TG: variants seen among roughly 807,000 people sequenced by gnomAD.
TG encodes the protein thyroglobulin, also known as thyroid hormones.
A neutral mutation model predicts 324.7 loss-of-function variants in TG; 270 were observed. That is an observed-to-expected ratio of 0.83 (90% CI 0.75 to 0.92). TG has a LOEUF of 0.92. Among genes scored for constraint, TG ranks in the 40% least tolerant of loss-of-function variants. The pLI, the probability that TG is intolerant of heterozygous loss-of-function variation, is 0.00. For missense variants in TG, 3,591 were observed against 3,456.4 expected, an observed-to-expected ratio of 1.04 and a Z score of -0.98; for synonymous variants, 1,401 against 1,327.0, an observed-to-expected ratio of 1.06 and a Z score of -1.21.
chr8:133,015,374 T>A (rs774210873), intron 37 of TG, among the ~76,000 whole-genome samples: 1 of 152,240 alleles, frequency 6.6e-6, no homozygotes, highest in Non-Finnish European at 1.5e-5. Context: ...TGTTTACAGC[T>A]AATACACATG....
chr8:133,013,539 A>T, intron 36 of TG, 61 bp from the exon 37 acceptor site: 1 of 1,601,722 alleles, frequency 6.2e-7, no homozygotes, highest in Non-Finnish European at 8.5e-7. Flanking sequence ...GACTGGAAGA[A>T]TGCATGAGTG....
intron 20 of TG, among the ~76,000 whole-genome samples, chr8:132,918,348 A>T (rs1183629105): frequency 6.6e-6 from 1 of 152,156 alleles, no homozygotes; most frequent in African/African-American, 2.4e-5. Context: ...GGCCACTTGA[A>T]AAAAGGCCAC....
intron 27 of TG, among the ~76,000 whole-genome samples, chr8:132,956,822 A>G (rs1303503119): frequency 3.3e-5 from 5 of 152,102 alleles, no homozygotes; most frequent in African/African-American, 1.2e-4. Flanking sequence ...GGGATTAGCT[A>G]AACCTAATGG....
chr8:133,117,441 C>T (rs10092459), intron 45 of TG, among the ~76,000 whole-genome samples: 7,352 of 152,242 alleles, frequency 0.048, 253 homozygotes, highest in Middle Eastern at 0.095. Flanking sequence ...CTTGGATGAC[C>T]GGCGCTTTGA....
intron 3 of TG, among the ~76,000 whole-genome samples, chr8:132,870,608 G>A (rs745609624): frequency 1.3e-5 from 2 of 151,802 alleles, no homozygotes; most frequent in Non-Finnish European, 2.9e-5. Context: ...AAATGCCTGC[G>A]GCTAGATAAT....
chr8:132,892,831 G>A lies in TG; in HGVS notation c.2762-859G>A, dbSNP rs111206173. 3.2e-3 allele frequency among the ~76,000 whole-genome samples: 483 copies of A among 150,602 alleles called. 5 individuals are homozygous for A. Among genetic ancestry groups the A allele is most frequent in the African/African-American group, 0.011 (470 of 40,924 alleles). ...GTGTGTTTATGTGTGTGGTGTGTGT[G>A]TATGTGTGTGGTGTGGTGTATGTGT... is the stretch of plus-strand genomic sequence containing the variant. On this transcript the variant is annotated intron_variant, in intron 10 of 47. Transcript: ENST00000220616.
intron 5 of TG, among the ~76,000 whole-genome samples, chr8:132,881,253 T>C (rs1244805739): frequency 6.6e-6 from 1 of 152,180 alleles, no homozygotes; most frequent in Non-Finnish European, 1.5e-5. Context: ...CAGATGTGAT[T>C]AGAGAATCTC....
At chr8:132,974,815 TG>T (rs1829998784) in intron 34 of TG, among the ~76,000 whole-genome samples, 1 of 152,214 alleles carries the variant, frequency 6.6e-6, no homozygotes, top group Non-Finnish European at 1.5e-5. Context: ...AGGCAGTATC[TG>T]GTGCTCGGCC....
At chr8:133,067,686 G>A (rs1044652803) in intron 41 of TG, among the ~76,000 whole-genome samples, 2 of 152,040 alleles carry the variant, frequency 1.3e-5, no homozygotes, top group African/African-American at 4.8e-5. Flanking sequence ...TGAGGCAGGA[G>A]AATCACTTGA....
At chr8:132,979,324 G>C (rs1218709933) in intron 34 of TG, among the ~76,000 whole-genome samples, 1 of 152,182 alleles carries the variant, frequency 6.6e-6, no homozygotes, top group East Asian at 1.9e-4. Flanking sequence ...TGTTTACAAA[G>C]TCAAATGTGA....
Position 132,963,154 on chromosome 8 carries a change from G to T in TG, c.5548+80G>T. ...TGGGTGCACCAAGAGTTTAATCAAT[G>T]AACGGACGTATTGACATCACTCTAT... On this transcript the variant is annotated intron_variant, in intron 29 of 47. Coordinates refer to ENST00000220616, the MANE Select transcript of TG (RefSeq NM_003235.5). 3.1e-6 allele frequency: 4 copies of T among 1,288,024 alleles called. No individual in the cohort carries two copies. In the South Asian group the frequency reaches 4.7e-5, roughly 15 times the overall value. 79.8% of individuals were successfully genotyped at this position (1,288,024 alleles called of 1,614,324 possible).
chr8:133,040,152 C>T (rs373633199), intron 41 of TG: 362 of 1,573,330 alleles, frequency 2.3e-4, no homozygotes, highest in Non-Finnish European at 2.5e-4. Context: ...AGCAGACAGC[C>T]GGTCAGGGAC....
chr8:133,040,637 C>A (rs1437073666), intron 41 of TG, among the ~76,000 whole-genome samples: 1 of 151,448 alleles, frequency 6.6e-6, no homozygotes, highest in Non-Finnish European at 1.5e-5. Context: ...CTAAATAGAT[C>A]TCTAGGAAGA....
At chr8:132,880,114 T>C (rs1304624930) in intron 5 of TG, among the ~76,000 whole-genome samples, 1 of 152,118 alleles carries the variant, frequency 6.6e-6, no homozygotes, top group East Asian at 1.9e-4. Flanking sequence ...CAGGGCAGGA[T>C]GTAGGACAGA....
At chr8:132,962,849 C>T (rs1827957371) in intron 28 of TG, 145 bp from the exon 29 acceptor site, 3 of 771,880 alleles carry the variant, frequency 3.9e-6, no homozygotes, top group Non-Finnish European at 7.2e-6. Context: ...AGTGCAGATC[C>T]ATGTCAGGGC....
intron 34 of TG, among the ~76,000 whole-genome samples, chr8:132,976,833 G>T (rs1241508438): frequency 6.7e-6 from 1 of 149,946 alleles, no homozygotes; most frequent in Non-Finnish European, 1.5e-5. Flanking sequence ...GCAGGACAGG[G>T]TTCTTTCTCC....
intron 25 of TG, among the ~76,000 whole-genome samples, chr8:132,938,996 GAGCCGAGATTGCACCACTGCACTCC>G (rs1191857500): frequency 6.8e-6 from 1 of 146,688 alleles, no homozygotes; most frequent in African/African-American, 2.5e-5. Flanking sequence ...AGCTTGCAGT[GAGCCGAGATTGCACCACTGCACTCC>G]AGCCTGGGCA....
chr8:132,888,202 C>T lies in TG; in HGVS notation c.2395C>T (p.Pro799Ser), dbSNP rs1445139244. The T allele has an allele frequency of 1.9e-6, 3 of 1,614,212 alleles. No individual in the cohort carries two copies. The highest frequency in any genetic ancestry group is 8.5e-7 in the Non-Finnish European group (1 of 1,180,034). ...TCAGAACAAGGGCCAGGATCTGACG[C>T]CTGCCAAGCTGCTAGTGAAGATCAT... Reference protein sequence around the residue: ...EAQNKGQDLTPAKLLVKIMSY... With the variant: ...EAQNKGQDLTSAKLLVKIMSY... Residue 799 changes from proline to serine, a missense_variant, in exon 10 of 48, where the codon CCT becomes TCT. Pro to Ser is a moderately conservative substitution (Grantham distance 74, BLOSUM62 -1). Transcript: ENST00000220616.
At chr8:133,055,430 A>G (rs1483721782) in intron 41 of TG, among the ~76,000 whole-genome samples, 1 of 151,324 alleles carries the variant, frequency 6.6e-6, no homozygotes, top group East Asian at 1.9e-4. Context: ...CAACTAACCA[A>G]TCACACAGAG....
Sources: gnomAD v4.1 joint callset for allele counts (sites outside exome capture counted in the v4.1 genomes callset) on GRCh38, gnomAD v4.1.1 for gene constraint, MANE v1.5 for transcripts, NCBI Gene and HGNC (gene_info 2026-07-23, HGNC 2026-07-21) for gene names.